The following KIAA0513 variants were observed in gnomAD, a reference collection of about 807,000 sequenced individuals.
The protein encoded by KIAA0513 is KIAA0513, also known as uncharacterized protein KIAA0513.
KIAA0513 carries 39 observed loss-of-function variants against 56.5 expected under a neutral mutation model. The observed-to-expected ratio is 0.69, with a 90% CI of 0.53 to 0.90. KIAA0513 has a LOEUF of 0.90. KIAA0513 is among the 40% of genes least tolerant of loss of function. KIAA0513 has a pLI of 0.00. For synonymous variants in KIAA0513, 268 were observed against 215.6 expected, an observed-to-expected ratio of 1.24 and a Z score of -2.13; for missense variants, 591 against 535.2, an observed-to-expected ratio of 1.10 and a Z score of -1.03.
At position 85,077,467 on chromosome 16, in the gene KIAA0513, C is replaced by T. The variant is rs766399754; in HGVS notation, c.617C>T (p.Ala206Val). ...LLPPESREKP[A>V]GSIDSYLKSA... ...CCCCCGGAGTCCCGGGAGAAGCCCG[C>T]GGGCAGCATCGACTCCTACCTGAAA... The change falls in exon 6 of 13, where the codon GCG (alanine) becomes GTG (valine). Residue 206 changes from alanine (A) to valine (V), a missense_variant. By Grantham distance (64) the Ala-to-Val change is moderately conservative. Coordinates refer to ENST00000683363, the MANE Select transcript of KIAA0513 (RefSeq NM_001388359.1). 71 of 1,613,990 alleles carry T rather than the reference C, an allele frequency of 4.4e-5. No homozygotes were observed. The highest frequency in any genetic ancestry group is 1.3e-4 in the East Asian group (6 of 44,870).
chr16:85,073,774 T>G (rs1385037675), intron 4 of KIAA0513, among the ~76,000 whole-genome samples: 1 of 152,198 alleles, frequency 6.6e-6, no homozygotes, highest in Admixed American at 6.5e-5. Context: ...CCTCGTCTCC[T>G]GCAGAAGGCC....
intron 12 of KIAA0513, among the ~76,000 whole-genome samples, 155 bp downstream of exon 12, chr16:85,087,321 C>T (rs1250176645): frequency 6.6e-6 from 1 of 152,244 alleles, no homozygotes; most frequent in Non-Finnish European, 1.5e-5. Context: ...TCCTTTCTCC[C>T]CAGTCTGTAT....
At chr16:85,056,085 C>T (rs1475305393) in intron 1 of KIAA0513, among the ~76,000 whole-genome samples, 3 of 152,264 alleles carry the variant, frequency 2.0e-5, no homozygotes, top group African/African-American at 7.2e-5. Flanking sequence ...CTGAAAGCCA[C>T]AGCCAGCAGT....
At chr16:85,077,307 G>A (rs888295669) in intron 5 of KIAA0513, 118 bp from the exon 6 acceptor site, 40 of 921,924 alleles carry the variant, frequency 4.3e-5, no homozygotes, top group Non-Finnish European at 6.3e-5. Context: ...CGGCTGAGGA[G>A]GGAGGCTCCC....
chr16:85,062,412 A>G (rs1269142282), intron 1 of KIAA0513, among the ~76,000 whole-genome samples: 1 of 152,196 alleles, frequency 6.6e-6, no homozygotes, highest in South Asian at 2.1e-4. Flanking sequence ...AGCCTCCATC[A>G]TGGGGCCTAC....
chr16:85,032,917 C>A (rs1289907249), intron 1 of KIAA0513, among the ~76,000 whole-genome samples: 1 of 151,998 alleles, frequency 6.6e-6, no homozygotes, highest in South Asian at 2.1e-4. Context: ...GGCATAGAGA[C>A]CGCGCCCGGC....
intron 1 of KIAA0513, among the ~76,000 whole-genome samples, chr16:85,046,166 C>G (rs777527986): frequency 1.3e-5 from 2 of 152,192 alleles, no homozygotes; most frequent in Non-Finnish European, 2.9e-5. Context: ...GGAGTCAACT[C>G]TTTGGGGCTG....
chr16:85,066,639 G>A (rs767162109), intron 1 of KIAA0513, among the ~76,000 whole-genome samples: 8 of 152,196 alleles, frequency 5.3e-5, no homozygotes, highest in Non-Finnish European at 8.8e-5. Flanking sequence ...GGCTGGAGCG[G>A]GGAGGAGGCC....
intron 2 of KIAA0513, among the ~76,000 whole-genome samples, chr16:85,070,523 C>T (rs56888354): frequency 0.082 from 12,439 of 152,082 alleles, 775 homozygotes; most frequent in East Asian, 0.24. Context: ...ACTAAAAACA[C>T]AAAAATTAGC....
At chr16:85,031,228 C>G (rs2072960261) in intron 1 of KIAA0513, among the ~76,000 whole-genome samples, 1 of 152,104 alleles carries the variant, frequency 6.6e-6, no homozygotes. Context: ...GCTTGGAATA[C>G]CAGCACTTTG....
chr16:85,089,813 G>A lies in KIAA0513; in HGVS notation c.*1488G>A, dbSNP rs1411253473. ...TGCCTCCCTGGAATGTTCCAGAGACGGAACATTCTCTAGAGACAACAGTCT... is the reference window on the plus strand; with the variant it reads ...TGCCTCCCTGGAATGTTCCAGAGACAGAACATTCTCTAGAGACAACAGTCT... On this transcript the variant is annotated 3_prime_UTR_variant, in exon 13 of 13. Coordinates refer to ENST00000683363, the MANE Select transcript of KIAA0513 (RefSeq NM_001388359.1). This position sits in a 1 kb window ranked among gnomAD's most constrained non-coding sequence, Gnocchi z 4.2. The A allele has an allele frequency of 1.3e-5, 2 of 152,250 alleles. No individual in the cohort carries two copies. The highest frequency in any genetic ancestry group is 2.4e-5 in the African/African-American group (1 of 41,534). The allele number at this position is 152,250 out of a possible 1,614,324, so 9.4% of individuals were successfully genotyped here. A position where few individuals can be genotyped will look rare whatever the true frequency, so the allele number is the denominator to read the frequency against.
chr16:85,062,231 CACA>C (rs2073416630), intron 1 of KIAA0513, among the ~76,000 whole-genome samples: 5 of 152,064 alleles, frequency 3.3e-5, no homozygotes, highest in South Asian at 4.2e-4. Flanking sequence ...CACACACACA[CACA>C]CCCCATAAGG....
intron 12 of KIAA0513, 119 bp downstream of exon 12, chr16:85,087,285 G>T: frequency 1.3e-6 from 1 of 793,474 alleles, no homozygotes; most frequent in Non-Finnish European, 2.2e-6. Context: ...CGGAAACGTG[G>T]TGCTGAGCTC....
intron 2 of KIAA0513, among the ~76,000 whole-genome samples, chr16:85,067,992 A>T (rs925309403): frequency 6.7e-6 from 1 of 149,522 alleles, no homozygotes; most frequent in African/African-American, 2.5e-5. Flanking sequence ...TGTATTTTCA[A>T]TAGAGACAGG....
rs2072976836 is a variant in KIAA0513, at chr16:85,032,360, CAG to C, written c.-173+4505_-173+4506del. On this transcript the variant is annotated intron_variant, in intron 1 of 12. Transcript: ENST00000683363. ...ATTGTGACCTTCTGTTTTCTTGAGA[CAG>C]AGTCTCTGTTGCCCAGGCCGTAGTG... 3.9e-5 allele frequency among the ~76,000 whole-genome samples: 6 copies of C among 152,350 alleles called. No homozygotes were observed. In the South Asian group the frequency reaches 1.2e-3, roughly 32 times the overall value.
chr16:85,075,997 TA>T (rs1356463946), intron 5 of KIAA0513, 83 bp downstream of exon 5: 2 of 1,135,614 alleles, frequency 1.8e-6, no homozygotes, highest in Non-Finnish European at 2.7e-6. Flanking sequence ...TTCTTCATGA[TA>T]AAAAGCAAAA....
chr16:85,067,373 G>A lies in KIAA0513; in HGVS notation c.302G>A (p.Gly101Asp), dbSNP rs2073502113. 2 of 1,605,102 alleles carry A rather than the reference G, an allele frequency of 1.2e-6. No homozygotes were observed. The highest frequency in any genetic ancestry group is 1.7e-6 in the Non-Finnish European group (2 of 1,179,784). The change falls in exon 2 of 13, where the codon GGC becomes GAC. Residue 101 changes from glycine to aspartate, a missense_variant. Coordinates refer to ENST00000683363, the MANE Select transcript of KIAA0513 (RefSeq NM_001388359.1). ...CTGGCACTCAGGGACTTCATGCGTGGCTACGTGGAGAAGATCTTCTCTGGA... is the reference window on the plus strand; with the variant it reads ...CTGGCACTCAGGGACTTCATGCGTGACTACGTGGAGAAGATCTTCTCTGGA... The part of the protein sequence containing the change: ...ETLALRDFMR[G>D]YVEKIFSGGE...
Position 85,088,547 on chromosome 16 carries a change from A to T in KIAA0513, c.*222A>T. ...CATGTGCCAAAGTGTCCCTTGGGTC[A>T]CACAGCTAAAGCCGAGGTGACCAGT... On this transcript the variant is annotated 3_prime_UTR_variant, in exon 13 of 13. Coordinates refer to ENST00000683363, the MANE Select transcript of KIAA0513 (RefSeq NM_001388359.1). 1 of 569,630 alleles carries T rather than the reference A, an allele frequency of 1.8e-6. No homozygotes were observed. The highest frequency in any genetic ancestry group is 2.9e-5 in the East Asian group (1 of 34,604). 35.3% of individuals were successfully genotyped at this position (569,630 alleles called of 1,614,324 possible). A position where few individuals can be genotyped will look rare whatever the true frequency, so the allele number is the denominator to read the frequency against.
chr16:85,065,566 G>T (rs148696118), intron 1 of KIAA0513, among the ~76,000 whole-genome samples: 4 of 152,230 alleles, frequency 2.6e-5, no homozygotes, highest in Non-Finnish European at 4.4e-5. Context: ...GAATTTGGAG[G>T]AATCCATCAT....
Sources: gnomAD v4.1 joint callset for allele counts (sites outside exome capture counted in the v4.1 genomes callset) on GRCh38, gnomAD v4.1.1 for gene constraint, Gnocchi (gnomAD v3.1) non-coding constraint, MANE v1.5 for transcripts, NCBI Gene and HGNC (gene_info 2026-07-23, HGNC 2026-07-21) for gene names.